RBM20: variants seen among roughly 807,000 people sequenced by gnomAD.
The protein encoded by RBM20 is RNA-binding protein 20.
Under a neutral mutation model 110.1 loss-of-function variants are expected in RBM20, and 51 were observed. The observed-to-expected ratio is 0.46, with a 90% CI of 0.37 to 0.59. The LOEUF is 0.59. Among genes scored for constraint, RBM20 ranks in the 20% least tolerant of loss-of-function variants. The pLI is 0.00. For synonymous variants in RBM20, 589 were observed against 618.2 expected, an observed-to-expected ratio of 0.95 and a Z score of 0.70; for missense variants, 1,512 against 1,574.9, an observed-to-expected ratio of 0.96 and a Z score of 0.68.
chr10:110,776,164 T>A (rs1256503640), intron 1 of RBM20, among the ~76,000 whole-genome samples: 2 of 152,154 alleles, frequency 1.3e-5, no homozygotes, highest in Non-Finnish European at 2.9e-5. Context: ...GGCCCCTGAC[T>A]ACATTCCCAG....
At chr10:110,657,062 G>C (rs1031875598) in intron 1 of RBM20, among the ~76,000 whole-genome samples, 1 of 151,758 alleles carries the variant, frequency 6.6e-6, no homozygotes, top group African/African-American at 2.4e-5. Flanking sequence ...TGGCACCCAG[G>C]CTGGAGTGCA....
chr10:110,758,683 C>T (rs1843954062), intron 1 of RBM20, among the ~76,000 whole-genome samples: 1 of 152,208 alleles, frequency 6.6e-6, no homozygotes, highest in African/African-American at 2.4e-5. Context: ...TCGCTAGTCA[C>T]ATGTGGCTGT....
chr10:110,802,311 C>T (rs1844637915), intron 7 of RBM20, among the ~76,000 whole-genome samples: 1 of 151,446 alleles, frequency 6.6e-6, no homozygotes, highest in Non-Finnish European at 1.5e-5. Flanking sequence ...TTCCAGAGTC[C>T]TGAATCTGCT....
chr10:110,644,326 T>A (rs904402291), upstream of RBM20: 23 of 644,100 alleles, frequency 3.6e-5, no homozygotes, highest in Admixed American at 9.6e-4. This position sits in a 1 kb window ranked among gnomAD's most constrained non-coding sequence, Gnocchi z 4.3. Flanking sequence ...GCCCCTCGCG[T>A]CTCCTCCCCG....
chr10:110,767,690 G>C (rs953489031), intron 1 of RBM20, among the ~76,000 whole-genome samples: 15 of 152,104 alleles, frequency 9.9e-5, no homozygotes, highest in African/African-American at 1.7e-4. Flanking sequence ...CATCCCAGAC[G>C]GGGTGGCGGG....
chr10:110,707,278 A>G (rs1862854629), intron 1 of RBM20, among the ~76,000 whole-genome samples: 1 of 152,264 alleles, frequency 6.6e-6, no homozygotes, highest in Admixed American at 6.5e-5. Flanking sequence ...ATTGTTGGAT[A>G]TAAAATGGAG....
Position 110,730,862 on chromosome 10 carries a change from T to A in RBM20, c.192-49939T>A, listed in dbSNP as rs1182112726. On this transcript the variant is annotated intron_variant, in intron 1 of 13. Coordinates refer to ENST00000369519, the MANE Select transcript of RBM20 (RefSeq NM_001134363.3). ...ATCAGGAAGAAGGAGGAGGGAGGCA[T>A]CCTTCCTGGTTTCTTTCTACCTCCC... 2.0e-5 allele frequency among the ~76,000 whole-genome samples: 3 copies of A among 152,170 alleles called. No individual in the cohort carries two copies. In the East Asian group the frequency reaches 5.8e-4, roughly 29 times the overall value.
intron 1 of RBM20, among the ~76,000 whole-genome samples, chr10:110,770,591 T>C (rs1215003308): frequency 6.6e-6 from 1 of 152,236 alleles, no homozygotes; most frequent in African/African-American, 2.4e-5. Flanking sequence ...TTCTAGTATT[T>C]GGCTGAAATC....
At chr10:110,706,992 C>T (rs1333583246) in intron 1 of RBM20, among the ~76,000 whole-genome samples, 2 of 152,026 alleles carry the variant, frequency 1.3e-5, no homozygotes, top group East Asian at 3.9e-4. Flanking sequence ...CTTAAATGAC[C>T]CAGGGAGGCT....
chr10:110,792,740 G>A (rs1278883536), intron 5 of RBM20, among the ~76,000 whole-genome samples: 1 of 152,194 alleles, frequency 6.6e-6, no homozygotes. Context: ...CGTGGCAGCA[G>A]AATTATTCAT....
intron 1 of RBM20, among the ~76,000 whole-genome samples, chr10:110,706,148 A>G (rs1293278134): frequency 6.6e-6 from 1 of 152,148 alleles, no homozygotes; most frequent in Non-Finnish European, 1.5e-5. Flanking sequence ...TTCCTGTTGT[A>G]AAAATCTCTA....
At chr10:110,752,171 C>G (rs1843862390) in intron 1 of RBM20, among the ~76,000 whole-genome samples, 1 of 152,190 alleles carries the variant, frequency 6.6e-6, no homozygotes, top group African/African-American at 2.4e-5. Context: ...TTTCACTGCT[C>G]TAAACACCCT....
At chr10:110,689,443 T>C (rs976318873) in intron 1 of RBM20, among the ~76,000 whole-genome samples, 3 of 152,232 alleles carry the variant, frequency 2.0e-5, no homozygotes, top group African/African-American at 4.8e-5. Context: ...TCAGAGAAAG[T>C]TGGAAATCCA....
chr10:110,731,882 A>C (rs1446166276), intron 1 of RBM20, among the ~76,000 whole-genome samples: 1 of 152,156 alleles, frequency 6.6e-6, no homozygotes, highest in African/African-American at 2.4e-5. Context: ...GTAAGATTCG[A>C]GGTATAAAGC....
At chr10:110,816,107 G>A (rs1844834240) in intron 9 of RBM20, among the ~76,000 whole-genome samples, 2 of 152,272 alleles carry the variant, frequency 1.3e-5, no homozygotes, top group Admixed American at 6.5e-5. Flanking sequence ...CAGTGCACCA[G>A]GCACCTCCTG....
intron 11 of RBM20, 65 bp downstream of exon 11, chr10:110,822,000 A>G (rs1477562327): frequency 3.3e-5 from 47 of 1,422,316 alleles, no homozygotes; most frequent in Non-Finnish European, 4.6e-5. Flanking sequence ...CTGATAAAGT[A>G]TGAGCATGTG....
intron 1 of RBM20, among the ~76,000 whole-genome samples, chr10:110,664,296 T>A (rs562305253): frequency 5.3e-5 from 8 of 152,302 alleles, no homozygotes; most frequent in African/African-American, 1.9e-4. Context: ...AAAGAAGCTA[T>A]CAAAGACCAC....
intron 1 of RBM20, among the ~76,000 whole-genome samples, chr10:110,682,118 C>T (rs1862432323): frequency 6.6e-6 from 1 of 152,136 alleles, no homozygotes; most frequent in Admixed American, 6.5e-5. Context: ...TCTCGAACTC[C>T]TGACCTCAGG....
chr10:110,701,835 G>A (rs72834060), intron 1 of RBM20, among the ~76,000 whole-genome samples: 10,975 of 152,198 alleles, frequency 0.072, 594 homozygotes, highest in Non-Finnish European at 0.1. Flanking sequence ...AATCCCCAGG[G>A]TCCGCACTGG....
Sources: gnomAD v4.1 joint callset for allele counts (sites outside exome capture counted in the v4.1 genomes callset) on GRCh38, gnomAD v4.1.1 for gene constraint, Gnocchi (gnomAD v3.1) non-coding constraint, MANE v1.5 for transcripts, NCBI Gene and HGNC (gene_info 2026-07-23, HGNC 2026-07-21) for gene names.